Variants in CTNNA3 observed in about 807,000 individuals in gnomAD.
CTNNA3 encodes the protein catenin alpha 3.
A neutral mutation model predicts 95.7 loss-of-function variants in CTNNA3; 76 were observed. The ratio of observed to expected loss-of-function variants is 0.79; its 90% CI spans 0.66 to 0.96. CTNNA3 has a LOEUF of 0.96. CTNNA3 is among the 40% of genes least tolerant of loss of function. CTNNA3 has a pLI of 0.00. For missense variants in CTNNA3, 1,191 were observed against 1,089.8 expected (o/e 1.09, Z -1.31); for synonymous variants, 431 against 374.4 (o/e 1.15, Z -1.74).
At chr10:66,777,054 G>T (rs1840330160) in intron 7 of CTNNA3, among the ~76,000 whole-genome samples, 1 of 152,092 alleles carries the variant, frequency 6.6e-6, no homozygotes, top group South Asian at 2.1e-4. Context: ...AGCTCTCAAG[G>T]CACAGCTAAA....
chr10:67,332,367 C>T (rs1345680635), intron 5 of CTNNA3, among the ~76,000 whole-genome samples: 1 of 152,154 alleles, frequency 6.6e-6, no homozygotes, highest in East Asian at 1.9e-4. Flanking sequence ...CCTAAAAATT[C>T]ACTTAAAGAA....
At chr10:66,346,276 G>T (rs1357095974) in intron 12 of CTNNA3, among the ~76,000 whole-genome samples, 1 of 132,072 alleles carries the variant, frequency 7.6e-6, no homozygotes, top group Non-Finnish European at 1.6e-5. Flanking sequence ...GAGAGAGAGA[G>T]AGAGAGAGAG....
At chr10:67,761,637 G>C (rs188380023) in intron 1 of CTNNA3, among the ~76,000 whole-genome samples, 1 of 152,266 alleles carries the variant, frequency 6.6e-6, no homozygotes, top group Non-Finnish European at 1.5e-5. Flanking sequence ...TCAGCACTTT[G>C]GGAGGCCGAG....
At chr10:67,161,604 G>A (rs1861554397) in intron 7 of CTNNA3, among the ~76,000 whole-genome samples, 1 of 151,804 alleles carries the variant, frequency 6.6e-6, no homozygotes, top group Non-Finnish European at 1.5e-5. Flanking sequence ...AAAAAGTCAT[G>A]AAAAATAAAT....
At chr10:67,410,378 G>A (rs1054025210) in intron 5 of CTNNA3, among the ~76,000 whole-genome samples, 4 of 152,006 alleles carry the variant, frequency 2.6e-5, no homozygotes, top group Non-Finnish European at 5.9e-5. Flanking sequence ...AGGAGGGAGA[G>A]GATGAGGAAG....
chr10:66,906,071 T>C (rs139021500), intron 7 of CTNNA3, among the ~76,000 whole-genome samples: 44 of 152,340 alleles, frequency 2.9e-4, no homozygotes, highest in African/African-American at 1.1e-3. Context: ...ATTACTATTT[T>C]ACAATCTCTG....
At position 65,971,029 on chromosome 10, in the gene CTNNA3, A is replaced by G. The variant is rs188400074; in HGVS notation, c.2266-4283T>C. On this transcript the variant is annotated intron_variant, in intron 16 of 17. Coordinates refer to ENST00000433211, the MANE Select transcript of CTNNA3 (RefSeq NM_013266.4). ...TAAATTAGCTAGTCTCAGTATCTTC[A>G]TAGCAATGTGAAAATGGACTAATAA... Among the ~76,000 whole-genome samples the G allele has an allele frequency of 3.5e-3, 522 of 151,282 alleles. 3 individuals carry two copies. Among genetic ancestry groups the G allele is most frequent in the African/African-American group, 0.011 (473 of 41,336 alleles).
intron 13 of CTNNA3, among the ~76,000 whole-genome samples, chr10:66,230,496 T>A (rs1039837835): frequency 6.6e-6 from 1 of 152,152 alleles, no homozygotes; most frequent in Non-Finnish European, 1.5e-5. Flanking sequence ...ATCAGCGGTC[T>A]AGGCTGCAAT....
intron 13 of CTNNA3, among the ~76,000 whole-genome samples, chr10:66,264,797 T>C (rs2091105383): frequency 6.6e-6 from 1 of 151,924 alleles, no homozygotes; most frequent in Non-Finnish European, 1.5e-5. Context: ...CATCCTCCAT[T>C]TCCAATAACA....
At chr10:66,023,641 A>C (rs1322281086) in intron 15 of CTNNA3, among the ~76,000 whole-genome samples, 1 of 152,218 alleles carries the variant, frequency 6.6e-6, no homozygotes, top group Non-Finnish European at 1.5e-5. Context: ...CAGTGATGAA[A>C]TGTTGCTTGA....
At chr10:67,448,122 G>C (rs1475352987) in intron 5 of CTNNA3, among the ~76,000 whole-genome samples, 1 of 152,148 alleles carries the variant, frequency 6.6e-6, no homozygotes, top group African/African-American at 2.4e-5. Context: ...GGACAGCAAA[G>C]AGTTGTCATC....
chr10:65,937,650 C>T (rs776162292), intron 17 of CTNNA3, among the ~76,000 whole-genome samples: 3 of 152,100 alleles, frequency 2.0e-5, no homozygotes, highest in Non-Finnish European at 4.4e-5. Context: ...ATACACTGTA[C>T]TCCTATTATA....
intron 9 of CTNNA3, among the ~76,000 whole-genome samples, chr10:66,717,202 C>T (rs932291704): frequency 2.0e-5 from 3 of 151,988 alleles, no homozygotes; most frequent in African/African-American, 7.3e-5. Context: ...AAAACCTACG[C>T]GATAGATTTC....
At chr10:67,567,636 T>A (rs533857423) in intron 3 of CTNNA3, among the ~76,000 whole-genome samples, 1 of 152,262 alleles carries the variant, frequency 6.6e-6, no homozygotes, top group East Asian at 1.9e-4. Context: ...AGCTTGAATG[T>A]GCAGTCTAAT....
rs116661305 is a variant in CTNNA3, at chr10:66,623,324, C to A, written c.1282-1540G>T. On this transcript the variant is annotated intron_variant, in intron 9 of 17. Coordinates refer to ENST00000433211, the MANE Select transcript of CTNNA3 (RefSeq NM_013266.4). ...GTCAAATTAGAAGAATGCTGGTTAA[C>A]CCAAAGCTTAGAAATTATAAAAAAC... Among the ~76,000 whole-genome samples, 577 of 152,070 alleles carry A rather than the reference C, an allele frequency of 3.8e-3. 4 individuals are homozygous for A. The highest frequency in any genetic ancestry group is 0.013 in the African/African-American group (555 of 41,502).
At chr10:66,693,071 C>A (rs1333327663) in intron 9 of CTNNA3, among the ~76,000 whole-genome samples, 3 of 152,108 alleles carry the variant, frequency 2.0e-5, no homozygotes, top group Non-Finnish European at 4.4e-5. Context: ...GCAAAATAAC[C>A]AGCTAACATC....
intron 13 of CTNNA3, among the ~76,000 whole-genome samples, chr10:66,145,409 G>T (rs927774218): frequency 1.7e-4 from 26 of 152,284 alleles, no homozygotes; most frequent in African/African-American, 6.3e-4. Flanking sequence ...ATGCCCCAGA[G>T]AGGTTTGCTT....
In CTNNA3 at chr10:67,243,262, T is replaced by G. The variant is rs117681577; in HGVS notation, c.580-23392A>C. Among the ~76,000 whole-genome samples, 68 of 152,224 alleles carry G rather than the reference T, an allele frequency of 4.5e-4. 1 individual carries two copies. In the East Asian group the frequency reaches 0.012, roughly 28 times the overall value. Reference sequence around the variant, plus strand: ...AAACGTGAGGAATATCCGTGACTTTTCCAACCCCCCCAACCCCCACCATTA... The same window carrying G: ...AAACGTGAGGAATATCCGTGACTTTGCCAACCCCCCCAACCCCCACCATTA... On this transcript the variant is annotated intron_variant, in intron 5 of 17. Coordinates refer to ENST00000433211, the MANE Select transcript of CTNNA3 (RefSeq NM_013266.4).
In CTNNA3 at chr10:66,773,607, C is replaced by T. The variant is rs903880653; in HGVS notation, c.1128+1837G>A. ...CAAGTGAAAACGGTACAGAAAATGG[C>T]CCCGCTGACGCCCAGCCAACCCAAG... On this transcript the variant is annotated intron_variant, in intron 8 of 17. Coordinates refer to ENST00000433211, the MANE Select transcript of CTNNA3 (RefSeq NM_013266.4). Among the ~76,000 whole-genome samples, 6 of 152,170 alleles carry T rather than the reference C, an allele frequency of 3.9e-5. No homozygotes were observed. The South Asian group carries it at 1.2e-3, about 32-fold the overall frequency.
Sources: gnomAD v4.1 joint callset for allele counts (sites outside exome capture counted in the v4.1 genomes callset) on GRCh38, gnomAD v4.1.1 for gene constraint, MANE v1.5 for transcripts, NCBI Gene and HGNC (gene_info 2026-07-23, HGNC 2026-07-21) for gene names.